Variants in OXCT1 observed in about 807,000 individuals in gnomAD.
OXCT1 encodes succinyl-CoA:3-ketoacid coenzyme A transferase 1, mitochondrial.
In OXCT1, 27 loss-of-function variants were observed where a neutral mutation model predicts 69.6. That is an observed-to-expected ratio of 0.39 (90% CI 0.29 to 0.54). The LOEUF is 0.54. OXCT1 is among the 20% of genes least tolerant of loss of function. OXCT1 has a pLI of 0.72. For synonymous variants in OXCT1, 202 were observed against 217.8 expected (o/e 0.93, Z 0.64); for missense variants, 437 against 650.2 (o/e 0.67, Z 3.57).
chr5:41,750,165 T>G (rs1274608733), intron 14 of OXCT1, among the ~76,000 whole-genome samples: 1 of 141,404 alleles, frequency 7.1e-6, no homozygotes, highest in African/African-American at 2.6e-5. Context: ...TTTTTTAGCA[T>G]TTTCTTCTAG....
intron 4 of OXCT1, among the ~76,000 whole-genome samples, chr5:41,850,629 A>C (rs544640666): frequency 6.6e-6 from 1 of 152,328 alleles, no homozygotes; most frequent in South Asian, 2.1e-4. Context: ...TTTAGAGCTT[A>C]TTTTAAACCA....
At chr5:41,838,282 C>T (rs1321045120) in intron 7 of OXCT1, among the ~76,000 whole-genome samples, 1 of 152,136 alleles carries the variant, frequency 6.6e-6, no homozygotes, top group Non-Finnish European at 1.5e-5. Flanking sequence ...CAGAAAATGC[C>T]CAATCTAGGC....
intron 6 of OXCT1, among the ~76,000 whole-genome samples, chr5:41,842,049 G>A (rs1748650049): frequency 6.6e-6 from 1 of 152,104 alleles, no homozygotes; most frequent in Non-Finnish European, 1.5e-5. Context: ...TACACTCAAA[G>A]GTTTCATATT....
chr5:41,806,789 T>C (rs1746701361), intron 8 of OXCT1, among the ~76,000 whole-genome samples: 1 of 152,080 alleles, frequency 6.6e-6, no homozygotes, highest in African/African-American at 2.4e-5. Flanking sequence ...GGTATTCTTT[T>C]ACAGCAATGC....
At chr5:41,825,653 C>T (rs975379689) in intron 7 of OXCT1, among the ~76,000 whole-genome samples, 1 of 152,060 alleles carries the variant, frequency 6.6e-6, no homozygotes, top group Non-Finnish European at 1.5e-5. Flanking sequence ...TTATTTATGT[C>T]CCCAAAAGAA....
chr5:41,797,756 A>G (rs1746246909), intron 11 of OXCT1, among the ~76,000 whole-genome samples: 1 of 152,200 alleles, frequency 6.6e-6, no homozygotes, highest in African/African-American at 2.4e-5. Context: ...ATTCATCAGA[A>G]TCACATGGAA....
At chr5:41,759,224 C>T (rs1744230262) in intron 14 of OXCT1, among the ~76,000 whole-genome samples, 1 of 151,932 alleles carries the variant, frequency 6.6e-6, no homozygotes, top group Non-Finnish European at 1.5e-5. Context: ...CAAATTCCAG[C>T]TCTGTCACTT....
chr5:41,795,200 T>C (rs1746122590), intron 11 of OXCT1, among the ~76,000 whole-genome samples: 1 of 152,184 alleles, frequency 6.6e-6, no homozygotes, highest in Non-Finnish European at 1.5e-5. Context: ...GTCGGGCTTC[T>C]ATCAGAATCT....
intron 10 of OXCT1, among the ~76,000 whole-genome samples, chr5:41,802,235 T>C (rs1308633337): frequency 1.3e-5 from 2 of 152,132 alleles, no homozygotes; most frequent in Admixed American, 1.3e-4. Context: ...AACTATACGC[T>C]CAGGATCATT....
rs1332967853 is a variant in OXCT1, at chr5:41,801,029, G to A, written c.1092C>T (p.Ile364=). 3.1e-6 allele frequency: 5 copies of A among 1,612,254 alleles called. No individual in the cohort carries two copies. In the East Asian group the frequency reaches 6.7e-5, roughly 22 times the overall value. ...PRQHEADADL[I]NAGKETVTIL... is the part of the protein sequence containing the mutation. ...AGAAATAAGTGAGCTTACCTGCATT[G>A]ATGAGATCTGCATCAGCTTCATGTT... The change falls in exon 11 of 17, where the codon ATC becomes ATT. Residue 364 remains isoleucine, a synonymous_variant. Transcript: ENST00000196371.
At chr5:41,733,995 T>C (rs1326546736) in intron 16 of OXCT1, among the ~76,000 whole-genome samples, 2 of 152,246 alleles carry the variant, frequency 1.3e-5, no homozygotes, top group African/African-American at 4.8e-5. Flanking sequence ...CAGTTCATAG[T>C]AGATACTGAG....
At chr5:41,751,307 T>C (rs775509045) in intron 14 of OXCT1, among the ~76,000 whole-genome samples, 27 of 152,140 alleles carry the variant, frequency 1.8e-4, no homozygotes, top group Non-Finnish European at 3.5e-4. Context: ...TTCTCATTAT[T>C]TGAGCAAGAT....
chr5:41,781,719 T>C (rs1205778924), intron 13 of OXCT1, among the ~76,000 whole-genome samples: 1 of 152,190 alleles, frequency 6.6e-6, no homozygotes, highest in African/African-American at 2.4e-5. Context: ...GGTTTTCTGT[T>C]CCTGCGTTAG....
chr5:41,834,510 C>T (rs1251348917), intron 7 of OXCT1, among the ~76,000 whole-genome samples: 1 of 122,592 alleles, frequency 8.2e-6, no homozygotes, highest in South Asian at 2.6e-4. Flanking sequence ...AAAAACAAAA[C>T]AGAACAGGAG....
intron 7 of OXCT1, among the ~76,000 whole-genome samples, chr5:41,835,497 G>A (rs1457932505): frequency 6.6e-6 from 1 of 151,958 alleles, no homozygotes; most frequent in African/African-American, 2.4e-5. Flanking sequence ...ATATTAGATG[G>A]GTTCACCGAT....
intron 11 of OXCT1, among the ~76,000 whole-genome samples, chr5:41,799,426 A>T (rs1746327749): frequency 6.6e-6 from 1 of 152,220 alleles, no homozygotes; most frequent in South Asian, 2.1e-4. Context: ...TTTGTAAAGT[A>T]GTTTGTAAAT....
intron 2 of OXCT1, among the ~76,000 whole-genome samples, 187 bp from the exon 3 acceptor site, chr5:41,861,591 C>T (rs1267367519): frequency 1.3e-5 from 2 of 152,270 alleles, no homozygotes; most frequent in Middle Eastern, 3.4e-3. Flanking sequence ...TGTTTTGCAC[C>T]ATTATATCAC....
intron 5 of OXCT1, 46 bp from the exon 6 acceptor site, chr5:41,842,827 G>A (rs767979061): frequency 1.6e-6 from 2 of 1,215,278 alleles, no homozygotes; most frequent in South Asian, 1.2e-5. Context: ...CATAGGTCTT[G>A]ATTGTGATAG....
At chr5:41,859,889 A>AAC (rs1554019115) in intron 3 of OXCT1, among the ~76,000 whole-genome samples, 5 of 88,656 alleles carry the variant, frequency 5.6e-5, no homozygotes, top group African/African-American at 1.7e-4. Context: ...ATATATATGT[A>AAC]ATATATATAT....
Sources: gnomAD v4.1 joint callset for allele counts (sites outside exome capture counted in the v4.1 genomes callset) on GRCh38, gnomAD v4.1.1 for gene constraint, MANE v1.5 for transcripts, NCBI Gene and HGNC (gene_info 2026-07-23, HGNC 2026-07-21) for gene names.